PKN2: variants seen among roughly 807,000 people sequenced by gnomAD.
PKN2 encodes the protein protein kinase N2, also known as serine/threonine-protein kinase N2.
A neutral mutation model predicts 119.1 loss-of-function variants in PKN2; 38 were observed. The ratio of observed to expected loss-of-function variants is 0.32; its 90% CI spans 0.25 to 0.42. PKN2 has a LOEUF of 0.42. Ranked by LOEUF, PKN2 falls within the 10% of genes least tolerant of loss-of-function variation. The pLI is 1.00. For missense variants in PKN2, 850 were observed against 1,165.1 expected (o/e 0.73, Z 3.94); for synonymous variants, 390 against 384.9 (o/e 1.01, Z -0.15).
At chr1:88,773,560 G>A (rs1261322769) in intron 6 of PKN2, among the ~76,000 whole-genome samples, 1 of 152,210 alleles carries the variant, frequency 6.6e-6, no homozygotes, top group Non-Finnish European at 1.5e-5. Flanking sequence ...GGCTCCCAGA[G>A]TGCTGTGATT....
intron 1 of PKN2, among the ~76,000 whole-genome samples, chr1:88,686,306 T>G (rs890123560): frequency 6.6e-5 from 10 of 152,126 alleles, no homozygotes; most frequent in Non-Finnish European, 1.5e-4. Flanking sequence ...TATTTGGCAT[T>G]GGTACTTGTA....
At chr1:88,712,721 G>C (rs1159962800) in intron 1 of PKN2, among the ~76,000 whole-genome samples, 1 of 152,108 alleles carries the variant, frequency 6.6e-6, no homozygotes, top group African/African-American at 2.4e-5. Context: ...GAAGATTCCA[G>C]TTGACTATTA....
At chr1:88,795,858 C>T (rs1040404800) in intron 8 of PKN2, among the ~76,000 whole-genome samples, 1 of 152,192 alleles carries the variant, frequency 6.6e-6, no homozygotes, top group African/African-American at 2.4e-5. Flanking sequence ...TTGAGATTGA[C>T]TTATGTACTG....
chr1:88,832,730 G>C lies in PKN2; in HGVS notation c.2563-14G>C. On this transcript the variant is annotated splice_polypyrimidine_tract_variant and intron_variant, in intron 19 of 21. Coordinates refer to ENST00000370521, the MANE Select transcript of PKN2 (RefSeq NM_006256.4). Reference sequence around the variant, plus strand: ...TAAAACTTGCTTTAACTTACTCAAAGGTATTTCTTCTAGTCTCCCTTTCCT... The same window carrying C: ...TAAAACTTGCTTTAACTTACTCAAACGTATTTCTTCTAGTCTCCCTTTCCT... 6.8e-7 allele frequency: 1 copy of C among 1,472,030 alleles called. No individual in the cohort carries two copies. Among genetic ancestry groups the C allele is most frequent in the Non-Finnish European group, 9.4e-7 (1 of 1,063,676 alleles). 91.2% of individuals were successfully genotyped at this position (1,472,030 alleles called of 1,614,324 possible).
intron 1 of PKN2, among the ~76,000 whole-genome samples, chr1:88,739,235 C>T (rs1398795924): frequency 1.3e-5 from 2 of 151,702 alleles, no homozygotes; most frequent in Non-Finnish European, 2.9e-5. Context: ...CACTTTGGGA[C>T]GTCAAGGTGG....
rs968390232 is a variant in PKN2, at chr1:88,813,840, A to G, written c.2279+107A>G. The G allele has an allele frequency of 2.3e-5, 20 of 888,164 alleles. 1 individual carries two copies. In the African/African-American group the frequency reaches 2.8e-4, roughly 12 times the overall value. The allele number at this position is 888,164 out of a possible 1,614,324, so 55.0% of individuals were successfully genotyped here. A position where few individuals can be genotyped will look rare whatever the true frequency, so the allele number is the denominator to read the frequency against. On this transcript the variant is annotated intron_variant, in intron 16 of 21. Coordinates refer to ENST00000370521, the MANE Select transcript of PKN2 (RefSeq NM_006256.4). ...GATTTTTTTTCCTAACAGAAAATAG[A>G]TCTCTGCAAGAAATACTAGAACTCC...
intron 6 of PKN2, among the ~76,000 whole-genome samples, chr1:88,777,214 T>C (rs1025035054): frequency 2.6e-5 from 4 of 152,168 alleles, no homozygotes; most frequent in African/African-American, 9.6e-5. Context: ...TTTTCATTTT[T>C]GTTATACTTT....
chr1:88,781,108 C>G (rs1204187107), intron 6 of PKN2: 1 of 1,250,390 alleles, frequency 8.0e-7, no homozygotes, highest in African/African-American at 1.6e-5. Context: ...GAGAGAAATA[C>G]TACTGACATT....
chr1:88,768,552 ATC>A (rs1669755977), intron 3 of PKN2, among the ~76,000 whole-genome samples: 1 of 152,206 alleles, frequency 6.6e-6, no homozygotes, highest in Non-Finnish European at 1.5e-5. Flanking sequence ...ATCAAGGACA[ATC>A]TCTGTATTTT....
At chr1:88,772,714 A>G (rs1669945144) in intron 6 of PKN2, among the ~76,000 whole-genome samples, 1 of 152,164 alleles carries the variant, frequency 6.6e-6, no homozygotes, top group Non-Finnish European at 1.5e-5. Flanking sequence ...GCTAGGTCAT[A>G]TGGTAGCTAT....
chr1:88,718,013 T>C (rs1667525391), intron 1 of PKN2, among the ~76,000 whole-genome samples: 1 of 152,312 alleles, frequency 6.6e-6, no homozygotes, highest in East Asian at 1.9e-4. Context: ...GTTGATGCTG[T>C]TCCTTTCTGT....
chr1:88,713,043 C>T (rs911183371), intron 1 of PKN2, among the ~76,000 whole-genome samples: 2 of 151,944 alleles, frequency 1.3e-5, no homozygotes, highest in Non-Finnish European at 2.9e-5. Flanking sequence ...TCTGTCCTTG[C>T]GATAGTTTGC....
chr1:88,685,292 C>T (rs1666045170), intron 1 of PKN2: 1 of 150,852 alleles, frequency 6.6e-6, no homozygotes, highest in Admixed American at 6.6e-5. Context: ...TACAGGGTGC[C>T]TTTCTCTGCT....
Position 88,771,669 on chromosome 1 carries a change from G to A in PKN2, c.775G>A (p.Ala259Thr). The part of the protein sequence containing the change: ...TDRKALSEAQ[A>T]RFNESSQKLD... The stretch of plus-strand genomic sequence containing the variant: ...TGTCTTTTCCCTGTGCAAGGCTCAA[G>A]CAAGATTTAATGAATCAAGTCAGAA... The change falls in exon 6 of 22, where the codon GCA (alanine) becomes ACA (threonine). Residue 259 changes from alanine to threonine, a missense_variant. Coordinates refer to ENST00000370521, the MANE Select transcript of PKN2 (RefSeq NM_006256.4). 1.9e-6 allele frequency: 3 copies of A among 1,613,478 alleles called. No individual in the cohort carries two copies. The highest frequency in any genetic ancestry group is 1.7e-6 in the Non-Finnish European group (2 of 1,179,514).
At chr1:88,790,621 G>T (rs1670790521) in intron 8 of PKN2, among the ~76,000 whole-genome samples, 1 of 151,952 alleles carries the variant, frequency 6.6e-6, no homozygotes, top group South Asian at 2.1e-4. Context: ...TTTTCCCCGG[G>T]ATTCTGAAAT....
chr1:88,804,870 G>C lies in PKN2; in HGVS notation c.1450G>C (p.Glu484Gln). ...GGTTACCTTTTTTAATCCAGTTATT[G>C]AAAGAAGACCAAAACTTCAAAGACA... ...AEVTFFNPVI[E>Q]RRPKLQRQKK... is the part of the protein sequence containing the mutation. The change falls in exon 10 of 22, where the codon GAA becomes CAA. Residue 484 changes from glutamate to glutamine, a missense_variant. By Grantham distance (29) the Glu-to-Gln change is conservative. Around this residue, in one of 9 missense-constraint regions of PKN2, gnomAD observed 350 missense variants for 511.1 expected, o/e 0.68. Transcript: ENST00000370521. 1 of 1,578,532 alleles carries C rather than the reference G, an allele frequency of 6.3e-7. No individual in the cohort carries two copies.
chr1:88,780,729 T>C (rs752694966), intron 6 of PKN2, among the ~76,000 whole-genome samples: 1 of 152,202 alleles, frequency 6.6e-6, no homozygotes, highest in Non-Finnish European at 1.5e-5. Context: ...ACTGTACTTA[T>C]TGTCTGCTAA....
intron 6 of PKN2, 42 bp downstream of exon 6, chr1:88,771,921 C>T (rs1669910428): frequency 7.5e-7 from 1 of 1,334,960 alleles, no homozygotes; most frequent in Non-Finnish European, 1.1e-6. Context: ...GTATTTTTGT[C>T]TATAACTGGT....
At chr1:88,802,637 T>A (rs1355444458) in intron 8 of PKN2, among the ~76,000 whole-genome samples, 1 of 152,090 alleles carries the variant, frequency 6.6e-6, no homozygotes, top group African/African-American at 2.4e-5. Context: ...ATAATGTACT[T>A]TAGTTTGAAG....
Sources: allele counts gnomAD v4.1 joint callset (sites outside exome capture counted in the v4.1 genomes callset), GRCh38; gene constraint gnomAD v4.1.1; regional missense constraint gnomAD v4.1.1; transcripts MANE v1.5; gene names NCBI Gene and HGNC (gene_info 2026-07-23, HGNC 2026-07-21).